The following ATG10 variants were observed in gnomAD, a reference collection of about 807,000 sequenced individuals.
ATG10 encodes ubiquitin-like-conjugating enzyme ATG10.
Under a neutral mutation model 32.1 loss-of-function variants are expected in ATG10, and 30 were observed. The observed-to-expected ratio is 0.94, with a 90% CI of 0.70 to 1.27. ATG10 has a LOEUF of 1.27. Ranked by LOEUF, ATG10 falls within the 50% of genes most tolerant of loss-of-function variation. The pLI, the probability that ATG10 is intolerant of heterozygous loss-of-function variation, is 0.00. For synonymous variants in ATG10, 87 were observed against 91.5 expected (o/e 0.95, Z 0.28); for missense variants, 233 against 262.3 (o/e 0.89, Z 0.77).
At chr5:82,199,203 T>G (rs1744973273) in intron 5 of ATG10, among the ~76,000 whole-genome samples, 1 of 152,232 alleles carries the variant, frequency 6.6e-6, no homozygotes. Flanking sequence ...TGAGTAAACA[T>G]TTTCCTGGAT....
intron 4 of ATG10, among the ~76,000 whole-genome samples, chr5:82,168,433 CA>C (rs142856800): frequency 0.011 from 1,655 of 152,222 alleles, 8 homozygotes; most frequent in Non-Finnish European, 0.017. Flanking sequence ...TTCTTATTTT[CA>C]AAACATTTAA....
chr5:82,012,112 G>A (rs769643319), intron 2 of ATG10, among the ~76,000 whole-genome samples: 2 of 152,288 alleles, frequency 1.3e-5, no homozygotes, highest in Admixed American at 6.5e-5. Context: ...TGTGGTCCTG[G>A]TAGAACCACC....
rs71605823 is a variant in ATG10, at chr5:82,118,387, C to CATATATATAT, written c.217-46003_217-45994dup. Among the ~76,000 whole-genome samples, 91 of 80,718 alleles carry CATATATATAT rather than the reference C, an allele frequency of 1.1e-3. 7 individuals carry two copies. The highest frequency in any genetic ancestry group is 3.4e-3 in the East Asian group (14 of 4,058). The allele number at this position is 80,718 out of a possible 152,430, so 53.0% of individuals were successfully genotyped here. On this transcript the variant is annotated intron_variant, in intron 3 of 7. Coordinates refer to ENST00000282185, the MANE Select transcript of ATG10 (RefSeq NM_031482.5). ...TACAAATATACATATAATATATGTA[C>CATATATATAT]ATATATATATATATATATGTATGTA...
intron 5 of ATG10, among the ~76,000 whole-genome samples, chr5:82,239,775 G>A (rs1379612053): frequency 1.3e-5 from 2 of 152,060 alleles, no homozygotes; most frequent in Non-Finnish European, 2.9e-5. Context: ...CAATTGACAA[G>A]TGATTAATAA....
intron 5 of ATG10, among the ~76,000 whole-genome samples, chr5:82,215,163 G>A (rs1479475536): frequency 6.6e-6 from 1 of 152,156 alleles, no homozygotes; most frequent in African/African-American, 2.4e-5. Context: ...AGGTTGGCAG[G>A]ACTCAGTTCC....
chr5:82,006,653 T>A (rs1761993458), intron 2 of ATG10, among the ~76,000 whole-genome samples: 2 of 152,314 alleles, frequency 1.3e-5, no homozygotes, highest in South Asian at 4.1e-4. Flanking sequence ...TTTTAAAAAT[T>A]GTGGTAAAAT....
At chr5:82,144,280 G>T (rs890155303) in intron 3 of ATG10, among the ~76,000 whole-genome samples, 9 of 141,122 alleles carry the variant, frequency 6.4e-5, no homozygotes, top group African/African-American at 1.6e-4. Context: ...ATCAGTTTTG[G>T]TTTTCTTATT....
intron 5 of ATG10, among the ~76,000 whole-genome samples, chr5:82,182,030 T>C (rs996728256): frequency 6.6e-6 from 1 of 152,192 alleles, no homozygotes; most frequent in Non-Finnish European, 1.5e-5. Context: ...TTAATTGTTA[T>C]AGTGAGTGTT....
rs10654850 is a variant in ATG10, at chr5:82,254,899, A to AGTGTGTGTGTGTGTGTGTGTGT, written c.*837_*858dup. ...AAAAGAGAGAGAGAGAGTGAGTGTG[A>AGTGTGTGTGTGTGTGTGTGTGT]GTGTGTGTGTGTGTGTGTGTGTATG... is the stretch of plus-strand genomic sequence containing the variant. On this transcript the variant is annotated 3_prime_UTR_variant, in exon 8 of 8. Coordinates refer to ENST00000282185, the MANE Select transcript of ATG10 (RefSeq NM_031482.5). 1 of 149,644 alleles carries AGTGTGTGTGTGTGTGTGTGTGT rather than the reference A, an allele frequency of 6.7e-6. No individual in the cohort carries two copies. 9.3% of individuals were successfully genotyped at this position (149,644 alleles called of 1,614,324 possible).
chr5:82,009,246 T>C (rs1762063126), intron 2 of ATG10, among the ~76,000 whole-genome samples: 1 of 152,200 alleles, frequency 6.6e-6, no homozygotes, highest in South Asian at 2.1e-4. Context: ...ATTGCTCTTT[T>C]GGTTGCCATT....
chr5:82,149,721 A>G (rs1767514929), intron 3 of ATG10, among the ~76,000 whole-genome samples: 1 of 152,208 alleles, frequency 6.6e-6, no homozygotes, highest in East Asian at 1.9e-4. Flanking sequence ...ATAATGATTT[A>G]AAGTATTTCC....
chr5:82,230,977 A>G (rs570662064), intron 5 of ATG10, among the ~76,000 whole-genome samples: 177 of 152,286 alleles, frequency 1.2e-3, no homozygotes, highest in Non-Finnish European at 1.9e-3. Context: ...ATAGATAGCT[A>G]TTAATAAAAT....
chr5:82,170,400 CA>C (rs1463931394), intron 4 of ATG10, among the ~76,000 whole-genome samples: 1 of 152,142 alleles, frequency 6.6e-6, no homozygotes, highest in Non-Finnish European at 1.5e-5. Flanking sequence ...TCTGCTCCTT[CA>C]AAGTCATCAA....
chr5:82,242,324 T>G (rs1746838659), intron 5 of ATG10, among the ~76,000 whole-genome samples: 1 of 152,002 alleles, frequency 6.6e-6, no homozygotes, highest in Non-Finnish European at 1.5e-5. Context: ...TTGTATATAT[T>G]GTAGCAAAAA....
At chr5:82,174,018 A>C (rs558917228) in intron 4 of ATG10, among the ~76,000 whole-genome samples, 5 of 152,180 alleles carry the variant, frequency 3.3e-5, no homozygotes, top group Non-Finnish European at 7.4e-5. Flanking sequence ...TAAATATCCC[A>C]GTTTGTTTCA....
chr5:82,097,950 T>C (rs919525433), intron 3 of ATG10, among the ~76,000 whole-genome samples: 1 of 152,100 alleles, frequency 6.6e-6, no homozygotes, highest in African/African-American at 2.4e-5. Flanking sequence ...CATGACATTT[T>C]AAAAAAAGGA....
intron 3 of ATG10, among the ~76,000 whole-genome samples, chr5:82,114,786 C>T (rs1171232787): frequency 2.6e-5 from 4 of 152,018 alleles, no homozygotes; most frequent in Non-Finnish European, 5.9e-5. Flanking sequence ...CTGACTGATA[C>T]ATAGGTAAAT....
At chr5:82,220,166 T>A (rs1471134280) in intron 5 of ATG10, among the ~76,000 whole-genome samples, 1 of 152,004 alleles carries the variant, frequency 6.6e-6, no homozygotes, top group Non-Finnish European at 1.5e-5. Context: ...GCGTGCAGGG[T>A]CACAAAGACA....
chr5:82,100,365 C>T (rs1765228084), intron 3 of ATG10, among the ~76,000 whole-genome samples: 2 of 151,968 alleles, frequency 1.3e-5, no homozygotes, highest in African/African-American at 4.8e-5. Flanking sequence ...TTTTGACTGC[C>T]TCCCCATCCC....
Sources: gnomAD v4.1 joint callset for allele counts (sites outside exome capture counted in the v4.1 genomes callset) on GRCh38, gnomAD v4.1.1 for gene constraint, MANE v1.5 for transcripts, NCBI Gene and HGNC (gene_info 2026-07-23, HGNC 2026-07-21) for gene names.